CDIPT: variants seen among roughly 807,000 people sequenced by gnomAD.
CDIPT encodes the protein PI synthase.
Under a neutral mutation model 21.6 loss-of-function variants are expected in CDIPT, and 17 were observed. The ratio of observed to expected loss-of-function variants is 0.79; its 90% CI spans 0.54 to 1.18. The LOEUF (loss-of-function observed/expected upper bound fraction) is 1.18. Ranked by LOEUF, CDIPT falls within the 50% of genes most tolerant of loss-of-function variation. The pLI is 0.00. For missense variants in CDIPT, 254 were observed against 284.9 expected (o/e 0.89, Z 0.78); for synonymous variants, 119 against 117.9 (o/e 1.01, Z -0.06).
Position 29,859,179 on chromosome 16 carries a change from G to A in CDIPT, c.*10C>T. 6.3e-7 allele frequency: 1 copy of A among 1,590,456 alleles called. No homozygotes were observed. Among genetic ancestry groups the A allele is most frequent in the Non-Finnish European group, 8.5e-7 (1 of 1,170,656 alleles). On this transcript the variant is annotated 3_prime_UTR_variant, in exon 6 of 6. Coordinates refer to ENST00000219789, the MANE Select transcript of CDIPT (RefSeq NM_006319.5). This position sits in a 1 kb window ranked among gnomAD's most constrained non-coding sequence, Gnocchi z 4.5. ...GGGCAGGTGGGCAGCCAGGACCCGG[G>A]GCTCCAGCGTCACTTCTTCTTGGCG... is the stretch of plus-strand genomic sequence containing the variant.
chr16:29,860,716 C>T (rs986528045), intron 3 of CDIPT, 54 bp from the exon 4 acceptor site: 64 of 1,009,794 alleles, frequency 6.3e-5, no homozygotes, highest in Non-Finnish European at 8.9e-5. Context: ...ACCATGCATC[C>T]AATCCTCATG....
chr16:29,861,361 A>T (rs754648785), intron 2 of CDIPT, 102 bp from the exon 3 acceptor site: 2 of 1,561,624 alleles, frequency 1.3e-6, no homozygotes, highest in South Asian at 2.3e-5. Flanking sequence ...CGAAGACTGG[A>T]AGTGTCCGCC....
chr16:29,861,096 C>G lies in CDIPT; in HGVS notation c.332+10G>C. ...TCCAAGTGGCCCAGGCCCCCAGAAT[C>G]GCAGCAGACCTGTGGAGGTGCAGCC... is the stretch of plus-strand genomic sequence containing the variant. On this transcript the variant is annotated intron_variant, in intron 3 of 5. Coordinates refer to ENST00000219789, the MANE Select transcript of CDIPT (RefSeq NM_006319.5). The G allele has an allele frequency of 6.2e-7, 1 of 1,613,960 alleles. No homozygotes were observed. Among genetic ancestry groups the G allele is most frequent in the Non-Finnish European group, 8.5e-7 (1 of 1,179,966 alleles).
In CDIPT at chr16:29,862,690, G is replaced by T. The variant is rs1206731678; in HGVS notation, c.74C>A (p.Ser25Tyr). Residue 25 changes from serine to tyrosine, a missense_variant, in exon 2 of 6, where the codon TCT becomes TAT. Ser to Tyr is a moderately radical substitution (Grantham distance 144, BLOSUM62 -2). Transcript: ENST00000219789. The surrounding 1 kb of genome is among the most constrained non-coding windows in gnomAD (Gnocchi z 6.7). ...GGGGCAGCAGGGCATGAAGTAGAAA[G>T]AAATGATGGCGAAGACAATCCGGGC... ...GYARIVFAII[S>Y]FYFMPCCPLT... 6.2e-7 allele frequency: 1 copy of T among 1,614,120 alleles called. No individual in the cohort carries two copies. Among genetic ancestry groups the T allele is most frequent in the South Asian group, 1.1e-5 (1 of 91,076 alleles).
intron 3 of CDIPT, 54 bp from the exon 4 acceptor site, chr16:29,860,716 C>A (rs986528045): frequency 2.0e-6 from 2 of 1,009,792 alleles, no homozygotes; most frequent in Non-Finnish European, 3.1e-6. Context: ...ACCATGCATC[C>A]AATCCTCATG....
chr16:29,862,932 GCCTCC>G lies in CDIPT; in HGVS notation c.-80_-76del. ...GTCCCAGCCCCGCAGCGCGGCCTCA[GCCTCC>G]GGCCCGGCGCATCGGCCGCACCACC... On this transcript the variant is annotated 5_prime_UTR_variant, in exon 1 of 6. An upstream open reading frame in the 5' UTR loses its in-frame stop. Transcript: ENST00000219789. This position sits in a 1 kb window ranked among gnomAD's most constrained non-coding sequence, Gnocchi z 6.7. 6.4e-7 allele frequency: 1 copy of G among 1,562,318 alleles called. No individual in the cohort carries two copies. Among genetic ancestry groups the G allele is most frequent in the Non-Finnish European group, 8.8e-7 (1 of 1,135,958 alleles).
At position 29,859,297 on chromosome 16, in the gene CDIPT, G is replaced by A. The variant is rs2067660148; in HGVS notation, c.534C>T (p.Val178=). The A allele has an allele frequency of 6.4e-7, 1 of 1,572,944 alleles. No individual in the cohort carries two copies. ...ACTTCAGCAAGGCGATGGGGGCAGTGACCCAGAGGCCCATCCGGAACAGTC... is the reference window on the plus strand; with the variant it reads ...ACTTCAGCAAGGCGATGGGGGCAGTAACCCAGAGGCCCATCCGGAACAGTC... ...SVGLFRMGLW[V]TAPIALLKSL... Residue 178 remains valine, a synonymous_variant, in exon 6 of 6, where the codon GTC becomes GTT. Coordinates refer to ENST00000219789, the MANE Select transcript of CDIPT (RefSeq NM_006319.5). This position sits in a 1 kb window ranked among gnomAD's most constrained non-coding sequence, Gnocchi z 4.5.
rs1205405359 is a variant in CDIPT, at chr16:29,863,022, G to C, written c.-165C>G. 5 of 817,374 alleles carry C rather than the reference G, an allele frequency of 6.1e-6. No homozygotes were observed. Among genetic ancestry groups the C allele is most frequent in the South Asian group, 4.3e-5 (3 of 69,744 alleles). The allele number at this position is 817,374 out of a possible 1,614,324, so 50.6% of individuals were successfully genotyped here. On this transcript the variant is annotated 5_prime_UTR_variant, in exon 1 of 6. Transcript: ENST00000219789. ...AGATGCTGAAGCCCGCAGCCGTCGG[G>C]AGCATGGACCGGCCCCGAGGTGCGC...
In CDIPT at chr16:29,863,173, A is replaced by T; in HGVS notation, c.-316T>A. The T allele has an allele frequency of 2.4e-6, 1 of 421,350 alleles. No homozygotes were observed. Among genetic ancestry groups the T allele is most frequent in the Non-Finnish European group, 4.3e-6 (1 of 234,614 alleles). 26.1% of individuals were successfully genotyped at this position (421,350 alleles called of 1,614,324 possible). ...GCTCCAGCTGCGCGTGGCTTCCGGG[A>T]ACCTCCTCCTCCGCGCCCGTCGTTG... On this transcript the variant is annotated 5_prime_UTR_variant, in exon 1 of 6. Transcript: ENST00000219789.
intron 4 of CDIPT, among the ~76,000 whole-genome samples, chr16:29,860,237 C>T (rs2067668832): frequency 6.6e-6 from 1 of 152,176 alleles, no homozygotes; most frequent in African/African-American, 2.4e-5. Flanking sequence ...AGGCATGAGC[C>T]ACCATGCCCA....
At position 29,859,435 on chromosome 16, in the gene CDIPT, C is replaced by G. The variant is rs756919626; in HGVS notation, c.496+7G>C. On this transcript the variant is annotated splice_region_variant and intron_variant, in intron 5 of 5. Coordinates refer to ENST00000219789, the MANE Select transcript of CDIPT (RefSeq NM_006319.5). The surrounding 1 kb of genome is among the most constrained non-coding windows in gnomAD (Gnocchi z 4.5). The stretch of plus-strand genomic sequence containing the variant: ...CCCATCCTCCTGCCCAGCCCCTCAT[C>G]TCCTACCTAAAGGTCCCTCAGAGAA... 41 of 1,611,326 alleles carry G rather than the reference C, an allele frequency of 2.5e-5. No homozygotes were observed. The East Asian group carries it at 4.9e-4, about 19-fold the overall frequency.
chr16:29,862,763 C>T lies in CDIPT; in HGVS notation c.44-43G>A. The stretch of plus-strand genomic sequence containing the variant: ...GGAGACAGGGCAGGATCAGGGAGCC[C>T]GCCAAGGCCCCTCGCCCTCTCGTTC... On this transcript the variant is annotated intron_variant, in intron 1 of 5. Transcript: ENST00000219789. The surrounding 1 kb of genome is among the most constrained non-coding windows in gnomAD (Gnocchi z 6.7). 2 of 1,613,574 alleles carry T rather than the reference C, an allele frequency of 1.2e-6. No individual in the cohort carries two copies. Among genetic ancestry groups the T allele is most frequent in the Non-Finnish European group, 1.7e-6 (2 of 1,179,698 alleles).
intron 2 of CDIPT, chr16:29,861,723 T>C (rs2067684322): frequency 5.5e-6 from 3 of 550,178 alleles, no homozygotes; most frequent in Admixed American, 3.2e-5. Context: ...TTGAATACAC[T>C]GTTTTTTGTT....
Position 29,859,364 on chromosome 16 carries a change from C to T in CDIPT, c.497-30G>A. On this transcript the variant is annotated intron_variant, in intron 5 of 5. Transcript: ENST00000219789. This position sits in a 1 kb window ranked among gnomAD's most constrained non-coding sequence, Gnocchi z 4.5. ...AGGAAGGCAGCAGGGGAGTTTGGGGCCCGAAGGAGGGGGCCTCCATCTCCC... is the reference window on the plus strand; with the variant it reads ...AGGAAGGCAGCAGGGGAGTTTGGGGTCCGAAGGAGGGGGCCTCCATCTCCC... 5.7e-6 allele frequency: 9 copies of T among 1,572,826 alleles called. No homozygotes were observed. Among genetic ancestry groups the T allele is most frequent in the Non-Finnish European group, 7.8e-6 (9 of 1,158,314 alleles).
At position 29,860,615 on chromosome 16, in the gene CDIPT, C is replaced by T. The variant is rs779056289; in HGVS notation, c.380G>A (p.Gly127Glu). The T allele has an allele frequency of 1.2e-6, 2 of 1,613,026 alleles. No individual in the cohort carries two copies. Among genetic ancestry groups the T allele is most frequent in the African/African-American group, 2.7e-5 (2 of 74,904 alleles). Residue 127 changes from glycine to glutamate, a missense_variant, in exon 4 of 6, where the codon GGG becomes GAG. Transcript: ENST00000219789. ...SESHKMIDLSGNPVLRIYYTS... is the reference protein window; with the variant it reads ...SESHKMIDLSENPVLRIYYTS... Reference sequence around the variant, plus strand: ...GTAGTAGATCCGAAGCACCGGATTCCCGGACAAGTCGATCATCTTGTGACT... The same window carrying T: ...GTAGTAGATCCGAAGCACCGGATTCTCGGACAAGTCGATCATCTTGTGACT...
chr16:29,859,099 A>C lies in CDIPT; in HGVS notation c.*90T>G. The C allele has an allele frequency of 7.2e-7, 1 of 1,389,968 alleles. No homozygotes were observed. The allele number at this position is 1,389,968 out of a possible 1,614,324, so 86.1% of individuals were successfully genotyped here. A position where few individuals can be genotyped will look rare whatever the true frequency, so the allele number is the denominator to read the frequency against. On this transcript the variant is annotated 3_prime_UTR_variant, in exon 6 of 6. Transcript: ENST00000219789. This position sits in a 1 kb window ranked among gnomAD's most constrained non-coding sequence, Gnocchi z 4.5. ...TAGAACAACACATGAGGAAGGCGTGAGACTGGGACCTCCTAGCAGGGGGTG... is the reference window on the plus strand; with the variant it reads ...TAGAACAACACATGAGGAAGGCGTGCGACTGGGACCTCCTAGCAGGGGGTG...
At position 29,859,154 on chromosome 16, in the gene CDIPT, G is replaced by A. The variant is rs905532761; in HGVS notation, c.*35C>T. ...GCTGTGTGGCACAGCAAGACTCCCA[G>A]GGCAGGTGGGCAGCCAGGACCCGGG... On this transcript the variant is annotated 3_prime_UTR_variant, in exon 6 of 6. Coordinates refer to ENST00000219789, the MANE Select transcript of CDIPT (RefSeq NM_006319.5). This position sits in a 1 kb window ranked among gnomAD's most constrained non-coding sequence, Gnocchi z 4.5. The A allele has an allele frequency of 1.9e-6, 3 of 1,577,276 alleles. No individual in the cohort carries two copies. In the Admixed American group the frequency reaches 5.5e-5, roughly 29 times the overall value.
intron 2 of CDIPT, 67 bp from the exon 3 acceptor site, chr16:29,861,326 T>C: frequency 1.3e-6 from 2 of 1,599,852 alleles, no homozygotes; most frequent in South Asian, 2.2e-5. Context: ...CATATTTGGT[T>C]TATCACTCTG....
rs779254146 is a variant in CDIPT at position 29,862,597 on chromosome 16, G to C, written c.167C>G (p.Ala56Gly). 1.3e-6 allele frequency: 2 copies of C among 1,578,638 alleles called. No individual in the cohort carries two copies. The highest frequency in any genetic ancestry group is 1.7e-6 in the Non-Finnish European group (2 of 1,162,128). ...GGGGTGTCTGTCACCTTGATTAAGA[G>C]CGCGAGCAGCGTGTCCATCGAAAGC... ...LDAFDGHAAR[A>G]LNQGTRFGAM... Residue 56 changes from alanine (A) to glycine (G), a missense_variant, in exon 2 of 6, where the codon GCT (alanine) becomes GGT (glycine). Transcript: ENST00000219789. The surrounding 1 kb of genome is among the most constrained non-coding windows in gnomAD (Gnocchi z 6.7).
Sources: gnomAD v4.1 joint callset for allele counts (sites outside exome capture counted in the v4.1 genomes callset) on GRCh38, gnomAD v4.1.1 for gene constraint, Gnocchi (gnomAD v3.1) non-coding constraint, MANE v1.5 for transcripts, NCBI Gene and HGNC (gene_info 2026-07-23, HGNC 2026-07-21) for gene names.